The following VDAC1 variants were observed in gnomAD, a reference collection of about 807,000 sequenced individuals.
VDAC1 encodes the protein non-selective voltage-gated ion channel VDAC1.
A neutral mutation model predicts 34.7 loss-of-function variants in VDAC1; 10 were observed. The observed-to-expected ratio is 0.29, with a 90% confidence interval of 0.18 to 0.49. The LOEUF (loss-of-function observed/expected upper bound fraction) is 0.49, where lower values mean the gene tolerates loss of function less well. Among genes scored for constraint, VDAC1 ranks in the 20% least tolerant of loss-of-function variants. The pLI, the probability that VDAC1 is intolerant of heterozygous loss-of-function variation, is 0.99. For synonymous variants in VDAC1, 130 were observed against 136.0 expected (o/e 0.96, Z 0.30); for missense variants, 230 against 347.9 (o/e 0.66, Z 2.69).
the VDAC1 span, among the ~76,000 whole-genome samples, chr5:134,109,509 C>T: frequency 6.6e-6 from 1 of 152,144 alleles, no homozygotes; most frequent in Non-Finnish European, 1.5e-5. Context: ...GTGGCTCACG[C>T]TTGTAATCCC....
At chr5:133,995,604 C>T (rs1160753814) in intron 1 of VDAC1, among the ~76,000 whole-genome samples, 1 of 152,068 alleles carries the variant, frequency 6.6e-6, no homozygotes, top group Non-Finnish European at 1.5e-5. Context: ...CCCCCAACTG[C>T]CAGGTAGTGG....
At chr5:134,066,397 G>A in the VDAC1 span, among the ~76,000 whole-genome samples, 2 of 152,214 alleles carry the variant, frequency 1.3e-5, no homozygotes, top group Non-Finnish European at 2.9e-5. Flanking sequence ...TATAACAAAT[G>A]AGCATGTCTG....
intron 5 of VDAC1, among the ~76,000 whole-genome samples, chr5:133,990,146 T>C (rs150104136): frequency 2.4e-4 from 37 of 152,354 alleles, no homozygotes; most frequent in African/African-American, 8.7e-4. Context: ...ACTACCATGC[T>C]ATCATGCCAA....
chr5:134,004,823 C>T (rs1003555999), intron 1 of VDAC1, 72 bp downstream of exon 1: 11 of 150,778 alleles, frequency 7.3e-5, no homozygotes, highest in African/African-American at 2.2e-4. Context: ...CGCGCTCCGC[C>T]CCCAGGCCCC....
the VDAC1 span, among the ~76,000 whole-genome samples, chr5:134,041,552 GCATGGGA>G: frequency 2.6e-5 from 4 of 152,210 alleles, no homozygotes; most frequent in African/African-American, 9.6e-5. Flanking sequence ...GCTGTGAGTG[GCATGGGA>G]CTCTGTAATG....
At chr5:134,111,089 AG>A in the VDAC1 span, among the ~76,000 whole-genome samples, 5 of 152,236 alleles carry the variant, frequency 3.3e-5, no homozygotes, top group African/African-American at 1.2e-4. Context: ...AGAGCAGGGC[AG>A]GCCTGCGTAT....
At chr5:134,092,539 GGT>G in the VDAC1 span, among the ~76,000 whole-genome samples, 1 of 152,128 alleles carries the variant, frequency 6.6e-6, no homozygotes, top group Non-Finnish European at 1.5e-5. Flanking sequence ...AGCCAGGCAT[GGT>G]GGTGGGTGCC....
At chr5:133,989,265 A>G (rs1753013180) in intron 5 of VDAC1, 1 of 96,328 alleles carries the variant, frequency 1.0e-5, no homozygotes, top group Non-Finnish European at 2.1e-5. Flanking sequence ...GAAAAAAGGA[A>G]GAAAGAAAAA....
the VDAC1 span, among the ~76,000 whole-genome samples, chr5:134,064,098 A>C: frequency 6.7e-6 from 1 of 150,368 alleles, no homozygotes; most frequent in Non-Finnish European, 1.5e-5. Flanking sequence ...TCAGCTTCTC[A>C]AAGTGCTGGG....
chr5:134,102,265 G>C, the VDAC1 span, among the ~76,000 whole-genome samples: 3 of 152,114 alleles, frequency 2.0e-5, no homozygotes, highest in Admixed American at 1.3e-4. Context: ...AGGGTCATCC[G>C]GGGCCAGTGC....
At chr5:134,061,739 A>G in the VDAC1 span, among the ~76,000 whole-genome samples, 1 of 151,768 alleles carries the variant, frequency 6.6e-6, no homozygotes, top group Admixed American at 6.6e-5. Flanking sequence ...CTTCCATTGT[A>G]ATTTTTATTC....
At chr5:134,072,348 C>T in the VDAC1 span, among the ~76,000 whole-genome samples, 1 of 152,208 alleles carries the variant, frequency 6.6e-6, no homozygotes, top group East Asian at 1.9e-4. Context: ...GGGGCAGGAC[C>T]TGCTGCAGCT....
At chr5:134,109,461 T>C in the VDAC1 span, among the ~76,000 whole-genome samples, 1 of 152,138 alleles carries the variant, frequency 6.6e-6, no homozygotes, top group African/African-American at 2.4e-5. Flanking sequence ...AAGCTCTTCA[T>C]GGCATCCTTA....
At chr5:134,048,466 C>T in the VDAC1 span, among the ~76,000 whole-genome samples, 1 of 151,244 alleles carries the variant, frequency 6.6e-6, no homozygotes, top group Non-Finnish European at 1.5e-5. Context: ...AGGGTTTCGC[C>T]ATGTTGCCCA....
chr5:134,055,588 GT>G, the VDAC1 span, among the ~76,000 whole-genome samples: 27 of 59,610 alleles, frequency 4.5e-4, no homozygotes, highest in Admixed American at 1.4e-3. Flanking sequence ...CCCCGCTAAT[GT>G]TTTTTTTTTT....
the VDAC1 span, among the ~76,000 whole-genome samples, chr5:134,106,005 T>A: frequency 7.9e-4 from 121 of 152,298 alleles, no homozygotes; most frequent in Non-Finnish European, 1.5e-3. Flanking sequence ...TGCCGGCTGA[T>A]GTGTTGTTGG....
chr5:134,076,600 C>G, the VDAC1 span, among the ~76,000 whole-genome samples: 10 of 152,188 alleles, frequency 6.6e-5, no homozygotes, highest in Non-Finnish European at 1.2e-4. Flanking sequence ...GTGGTGTGTG[C>G]AAGGGACTCC....
chr5:134,014,389 G>A, the VDAC1 span, among the ~76,000 whole-genome samples: 1 of 152,138 alleles, frequency 6.6e-6, no homozygotes, highest in African/African-American at 2.4e-5. Context: ...ACCACAATGA[G>A]TGCCACCTCA....
At chr5:134,042,250 T>G in the VDAC1 span, among the ~76,000 whole-genome samples, 1 of 152,158 alleles carries the variant, frequency 6.6e-6, no homozygotes, top group Admixed American at 6.5e-5. Flanking sequence ...CACTGTGGGC[T>G]TGGGGGGGAC....
Sources: gnomAD v4.1 joint callset for allele counts (sites outside exome capture counted in the v4.1 genomes callset) on GRCh38, gnomAD v4.1.1 for gene constraint, MANE v1.5 for transcripts, NCBI Gene and HGNC (gene_info 2026-07-23, HGNC 2026-07-21) for gene names.